Variants in LGSN observed in about 807,000 individuals in gnomAD.
LGSN encodes the protein lengsin.
In LGSN, 21 loss-of-function variants were observed where a neutral mutation model predicts 19.5. The observed-to-expected ratio is 1.07, with a 90% CI of 0.76 to 1.55. LGSN has a LOEUF of 1.55. Ranked by LOEUF, LGSN falls within the 40% of genes most tolerant of loss-of-function variation. LGSN has a pLI of 0.00. For missense variants in LGSN, 673 were observed against 608.5 expected (o/e 1.11, Z -1.12); for synonymous variants, 257 against 215.6 (o/e 1.19, Z -1.68).
At chr6:63,520,934 G>A in the LGSN span, among the ~76,000 whole-genome samples, 1 of 152,082 alleles carries the variant, frequency 6.6e-6, no homozygotes, top group Non-Finnish European at 1.5e-5. Context: ...TCCTTTGCAG[G>A]GACATGGATG....
At chr6:63,445,421 C>G in the LGSN span, among the ~76,000 whole-genome samples, 1 of 152,112 alleles carries the variant, frequency 6.6e-6, no homozygotes, top group South Asian at 2.1e-4. Flanking sequence ...AGCTCGCGAC[C>G]AGCCTGGCCA....
the LGSN span, among the ~76,000 whole-genome samples, chr6:63,328,801 A>G: frequency 1.3e-5 from 2 of 152,178 alleles, no homozygotes; most frequent in Non-Finnish European, 2.9e-5. Flanking sequence ...ATTCTACTAG[A>G]TGAGTATTTG....
chr6:63,390,118 C>CTTTTTTTTTTTTTTTTTT, the LGSN span, among the ~76,000 whole-genome samples: 40 of 66,320 alleles, frequency 6.0e-4, no homozygotes, highest in Non-Finnish European at 9.1e-4. Flanking sequence ...TTCTTTCTTT[C>CTTTTTTTTTTTTTTTTTT]TTTTTTTTTT....
chr6:63,511,065 A>G, the LGSN span, among the ~76,000 whole-genome samples: 1 of 152,082 alleles, frequency 6.6e-6, no homozygotes, highest in African/African-American at 2.4e-5. Flanking sequence ...CAATGGTGCT[A>G]TGCTCATGGC....
rs565224137 is a variant in LGSN at position 63,281,992 on chromosome 6, G to C, written c.331-772C>G. On this transcript the variant is annotated intron_variant, in intron 3 of 3. Coordinates refer to ENST00000370657, the MANE Select transcript of LGSN (RefSeq NM_016571.3). ...TTCGTTAATTGCTTTGGTGAATTTCGGCAAGTCATTGGATTATGTGCCCTC... is the reference window on the plus strand; with the variant it reads ...TTCGTTAATTGCTTTGGTGAATTTCCGCAAGTCATTGGATTATGTGCCCTC... 2.0e-4 allele frequency among the ~76,000 whole-genome samples: 30 copies of C among 152,184 alleles called. 1 individual carries two copies. The highest frequency in any genetic ancestry group is 1.7e-3 in the South Asian group (8 of 4,826).
At chr6:63,499,551 G>A in the LGSN span, among the ~76,000 whole-genome samples, 1 of 151,722 alleles carries the variant, frequency 6.6e-6, no homozygotes, top group Non-Finnish European at 1.5e-5. Flanking sequence ...AGAAAATCTC[G>A]CTTTTTGTAG....
At chr6:63,499,646 C>A in the LGSN span, among the ~76,000 whole-genome samples, 5 of 152,086 alleles carry the variant, frequency 3.3e-5, no homozygotes, top group Non-Finnish European at 7.3e-5. Context: ...TCAGCGCAAT[C>A]TCCAAATATG....
the LGSN span, among the ~76,000 whole-genome samples, chr6:63,385,597 A>G: frequency 1.3e-5 from 2 of 152,102 alleles, no homozygotes; most frequent in Non-Finnish European, 2.9e-5. Flanking sequence ...TTCCAACTCT[A>G]TACTCTTGGC....
chr6:63,276,334 A>T lies in LGSN; in HGVS notation c.*3687T>A, dbSNP rs1288674579. 6.6e-6 allele frequency: 1 copy of T among 152,212 alleles called. No individual in the cohort carries two copies. Among genetic ancestry groups the T allele is most frequent in the Non-Finnish European group, 1.5e-5 (1 of 68,026 alleles). The allele number at this position is 152,212 out of a possible 1,614,324, so 9.4% of individuals were successfully genotyped here. On this transcript the variant is annotated 3_prime_UTR_variant, in exon 4 of 4. Transcript: ENST00000370657. Reference sequence around the variant, plus strand: ...TTTCAAGCGTTGTTGTTATTCACACACTGTAAAATGAAATTTTAGATTATA... The same window carrying T: ...TTTCAAGCGTTGTTGTTATTCACACTCTGTAAAATGAAATTTTAGATTATA...
At chr6:63,500,218 T>G in the LGSN span, among the ~76,000 whole-genome samples, 1 of 151,904 alleles carries the variant, frequency 6.6e-6, no homozygotes, top group South Asian at 2.1e-4. Context: ...GCTACAGCAT[T>G]TAACAGAACT....
chr6:63,286,352 T>C (rs1463447278), intron 2 of LGSN, among the ~76,000 whole-genome samples: 1 of 152,218 alleles, frequency 6.6e-6, no homozygotes, highest in Admixed American at 6.5e-5. Context: ...GGGTTTTTTT[T>C]AAGAATGAGA....
At chr6:63,565,097 A>T in the LGSN span, among the ~76,000 whole-genome samples, 1 of 152,082 alleles carries the variant, frequency 6.6e-6, no homozygotes, top group East Asian at 1.9e-4. Flanking sequence ...TGCAGCCCTA[A>T]CAACTCCTGG....
At chr6:63,319,070 T>G (rs1214615253) in intron 1 of LGSN, among the ~76,000 whole-genome samples, 1 of 152,190 alleles carries the variant, frequency 6.6e-6, no homozygotes, top group Non-Finnish European at 1.5e-5. Flanking sequence ...TTAGGGAAAG[T>G]GCATTTGTTC....
chr6:63,429,868 G>A, the LGSN span, among the ~76,000 whole-genome samples: 1 of 151,986 alleles, frequency 6.6e-6, no homozygotes, highest in Non-Finnish European at 1.5e-5. Flanking sequence ...TTGCCTTCAT[G>A]CCTATTGCCT....
chr6:63,402,898 A>G, the LGSN span, among the ~76,000 whole-genome samples: 1 of 152,182 alleles, frequency 6.6e-6, no homozygotes, highest in Non-Finnish European at 1.5e-5. Context: ...TTCTTAGAAA[A>G]AAACTGAGGT....
chr6:63,566,111 C>T, the LGSN span, among the ~76,000 whole-genome samples: 132 of 152,352 alleles, frequency 8.7e-4, no homozygotes, highest in Middle Eastern at 3.4e-3. Flanking sequence ...TTTTGTCCCA[C>T]TGAACCCATA....
At chr6:63,326,551 G>A in the LGSN span, among the ~76,000 whole-genome samples, 3 of 152,080 alleles carry the variant, frequency 2.0e-5, no homozygotes, top group Non-Finnish European at 2.9e-5. Flanking sequence ...CGGAGGAGGT[G>A]GGAGGCTCAG....
At chr6:63,535,000 C>T in the LGSN span, among the ~76,000 whole-genome samples, 1 of 151,942 alleles carries the variant, frequency 6.6e-6, no homozygotes, top group Non-Finnish European at 1.5e-5. Flanking sequence ...GCAGAGGTTG[C>T]AGTGAGCCAA....
upstream of LGSN, among the ~76,000 whole-genome samples, chr6:63,320,569 A>G (rs76487987): frequency 3.8e-4 from 58 of 152,276 alleles, no homozygotes; most frequent in East Asian, 0.01. Context: ...ACTGTGCACA[A>G]TGAACACAGA....
Sources: gnomAD v4.1 joint callset for allele counts (sites outside exome capture counted in the v4.1 genomes callset) on GRCh38, gnomAD v4.1.1 for gene constraint, MANE v1.5 for transcripts, NCBI Gene and HGNC (gene_info 2026-07-23, HGNC 2026-07-21) for gene names.